Variants in POFUT2 observed in about 807,000 individuals in gnomAD.
POFUT2 encodes the protein protein O-fucosyltransferase 2, also known as GDP-fucose protein O-fucosyltransferase 2.
In POFUT2, 30 loss-of-function variants were observed where a neutral mutation model predicts 55.0. The ratio of observed to expected loss-of-function variants is 0.55; its 90% CI spans 0.41 to 0.74. The LOEUF (loss-of-function observed/expected upper bound fraction) is 0.74. Among genes scored for constraint, POFUT2 ranks in the 30% least tolerant of loss-of-function variants. The pLI, the probability that POFUT2 is intolerant of heterozygous loss-of-function variation, is 0.00. For synonymous variants in POFUT2, 267 were observed against 231.1 expected (o/e 1.16, Z -1.41); for missense variants, 524 against 562.6 (o/e 0.93, Z 0.69).
rs765017004 is a variant in POFUT2, at chr21:45,285,566, G to A, written c.382+112C>T. On this transcript the variant is annotated intron_variant, in intron 2 of 8. Transcript: ENST00000349485. The surrounding 1 kb of genome is among the most constrained non-coding windows in gnomAD (Gnocchi z 4.9). Reference sequence around the variant, plus strand: ...CAGGCAGCAGCACTGGGCACTGGAGGATGCTGGTGAGGCTGGATGCAATCG... The same window carrying A: ...CAGGCAGCAGCACTGGGCACTGGAGAATGCTGGTGAGGCTGGATGCAATCG... 34 of 1,317,512 alleles carry A rather than the reference G, an allele frequency of 2.6e-5. No homozygotes were observed. The highest frequency in any genetic ancestry group is 6.0e-5 in the South Asian group (5 of 82,902). The allele number at this position is 1,317,512 out of a possible 1,614,324, so 81.6% of individuals were successfully genotyped here. A position where few individuals can be genotyped will look rare whatever the true frequency, so the allele number is the denominator to read the frequency against.
In POFUT2 at chr21:45,285,349, C is replaced by T. The variant is rs146744652; in HGVS notation, c.382+329G>A. Reference sequence around the variant, plus strand: ...TCTTCCTGAACGTAAAACAGCCTTTCGCACAGGGAGCCGAGTCCTGTCACT... The same window carrying T: ...TCTTCCTGAACGTAAAACAGCCTTTTGCACAGGGAGCCGAGTCCTGTCACT... On this transcript the variant is annotated intron_variant, in intron 2 of 8. Coordinates refer to ENST00000349485, the MANE Select transcript of POFUT2 (RefSeq NM_133635.6). The surrounding 1 kb of genome is among the most constrained non-coding windows in gnomAD (Gnocchi z 4.9). The T allele has an allele frequency of 9.0e-4, 338 of 373,748 alleles. No individual in the cohort carries two copies. The highest frequency in any genetic ancestry group is 8.7e-3 in the Middle Eastern group (19 of 2,186). 23.2% of individuals were successfully genotyped at this position (373,748 alleles called of 1,614,324 possible).
chr21:45,287,685 C>G (rs911880460), intron 1 of POFUT2, 56 bp downstream of exon 1: 1 of 1,357,216 alleles, frequency 7.4e-7, no homozygotes, highest in African/African-American at 1.5e-5. Flanking sequence ...CCATCCCATC[C>G]TCTGACCCTG....
At chr21:45,283,828 C>T (rs1019776429) in intron 2 of POFUT2, among the ~76,000 whole-genome samples, 2 of 152,188 alleles carry the variant, frequency 1.3e-5, no homozygotes, top group Admixed American at 1.3e-4. Context: ...CCATCCGGCC[C>T]TCACGCCGTG....
rs2030999242 is a variant in POFUT2 at position 45,283,404 on chromosome 21, TG to T, written c.505del (p.Gln169ArgfsTer20). 1.2e-6 allele frequency: 2 copies of T among 1,608,102 alleles called. No individual in the cohort carries two copies. The highest frequency in any genetic ancestry group is 1.7e-6 in the Non-Finnish European group (2 of 1,177,276). On this transcript the variant is annotated frameshift_variant, in exon 3 of 9. Transcript: ENST00000349485. LOFTEE classifies it high-confidence loss of function. ...RPCIDQLLYS[Q>X]DKHEYYRGWF... is the part of the protein sequence containing the mutation. ...GCACCTGTAGTACTCGTGCTTGTCC[TG>T]GGAGTACAGGAGCTGATCAATACAC...
chr21:45,283,275 T>TGGTG, intron 3 of POFUT2, 108 bp downstream of exon 3: 1 of 376,884 alleles, frequency 2.7e-6, no homozygotes, highest in South Asian at 2.3e-5. Context: ...GCACCCACGG[T>TGGTG]GGTGGGGAGG....
In POFUT2 at chr21:45,285,039, T is replaced by A. The variant is rs931408863; in HGVS notation, c.382+639A>T. Among the ~76,000 whole-genome samples the A allele has an allele frequency of 8.6e-5, 13 of 151,682 alleles. No individual in the cohort carries two copies. In the East Asian group the frequency reaches 2.3e-3, roughly 27 times the overall value. On this transcript the variant is annotated intron_variant, in intron 2 of 8. Transcript: ENST00000349485. The surrounding 1 kb of genome is among the most constrained non-coding windows in gnomAD (Gnocchi z 4.9). ...AGCAAAGGTCTCTAAGCCCCGAGAG[T>A]GGCTGTCGAGTAAGAACTCAACAGA...
At chr21:45,268,026 G>A (rs1442479620) in intron 7 of POFUT2, among the ~76,000 whole-genome samples, 1 of 152,034 alleles carries the variant, frequency 6.6e-6, no homozygotes, top group Non-Finnish European at 1.5e-5. Context: ...TCTTTCCACG[G>A]TCTCCCTCTC....
chr21:45,274,981 C>T (rs1157441234), intron 6 of POFUT2, among the ~76,000 whole-genome samples: 2 of 152,186 alleles, frequency 1.3e-5, no homozygotes, highest in African/African-American at 4.8e-5. Flanking sequence ...AAGAAACAAT[C>T]AGCGAACAGC....
chr21:45,280,926 CA>C (rs1286384826), intron 4 of POFUT2, among the ~76,000 whole-genome samples: 2 of 152,216 alleles, frequency 1.3e-5, no homozygotes, highest in Non-Finnish European at 2.9e-5. Flanking sequence ...TTCTAATGGA[CA>C]AAAGTTCTTG....
rs189779697 is a variant in POFUT2 at position 45,278,959 on chromosome 21, G to A, written c.639-790C>T. Among the ~76,000 whole-genome samples, 4 of 152,090 alleles carry A rather than the reference G, an allele frequency of 2.6e-5. No individual in the cohort carries two copies. In the East Asian group the frequency reaches 7.7e-4, roughly 29 times the overall value. ...TCCTATTCCAGCCATTGAGCCAACC[G>A]TCTCACCAAACTCCCCCCAGGGCTC... is the stretch of plus-strand genomic sequence containing the variant. On this transcript the variant is annotated intron_variant, in intron 4 of 8. Transcript: ENST00000349485.
chr21:45,276,245 TA>T (rs11290362), intron 6 of POFUT2, among the ~76,000 whole-genome samples: 45,222 of 144,814 alleles, frequency 0.31, 7,032 homozygotes, highest in East Asian at 0.45. Flanking sequence ...TTAAAAAGAA[TA>T]AAAAAAAAAC....
At chr21:45,280,293 CT>C (rs968562835) in intron 4 of POFUT2, among the ~76,000 whole-genome samples, 1 of 151,592 alleles carries the variant, frequency 6.6e-6, no homozygotes, top group African/African-American at 2.4e-5. Context: ...TTATCTTTTT[CT>C]TTTTTTTTAC....
Position 45,265,415 on chromosome 21 carries a change from C to G in POFUT2, c.*67G>C. On this transcript the variant is annotated 3_prime_UTR_variant, in exon 9 of 9. Transcript: ENST00000349485. The surrounding 1 kb of genome is among the most constrained non-coding windows in gnomAD (Gnocchi z 4.6). ...TCCCGGCTGGCAGTAGACGGTGACT[C>G]CACGGCGACAGAACCTGCATCCACC... 1 of 1,442,100 alleles carries G rather than the reference C, an allele frequency of 6.9e-7. No homozygotes were observed. The highest frequency in any genetic ancestry group is 9.5e-7 in the Non-Finnish European group (1 of 1,054,090). The allele number at this position is 1,442,100 out of a possible 1,614,324, so 89.3% of individuals were successfully genotyped here.
In POFUT2 at chr21:45,285,811, C is replaced by G. The variant is rs144038537; in HGVS notation, c.249G>C (p.Leu83=). 1.7e-4 allele frequency: 274 copies of G among 1,613,574 alleles called. No individual in the cohort carries two copies. Among genetic ancestry groups the G allele is most frequent in the Non-Finnish European group, 2.3e-4 (269 of 1,180,002 alleles). ...LLKTEEWVLV[L]PPWGRLYHWQ... ...AGTGATAGAGGCGGCCCCATGGAGG[C>G]AGGACAAGCACCCACTCCTCCGTCT... Residue 83 remains leucine, a synonymous_variant, in exon 2 of 9, where the codon CTG becomes CTC. Coordinates refer to ENST00000349485, the MANE Select transcript of POFUT2 (RefSeq NM_133635.6). The surrounding 1 kb of genome is among the most constrained non-coding windows in gnomAD (Gnocchi z 4.9).
rs527778674 is a variant in POFUT2 at position 45,282,909 on chromosome 21, C to G, written c.528-450G>C. On this transcript the variant is annotated intron_variant, in intron 3 of 8. Coordinates refer to ENST00000349485, the MANE Select transcript of POFUT2 (RefSeq NM_133635.6). This position sits in a 1 kb window ranked among gnomAD's most constrained non-coding sequence, Gnocchi z 4.6. ...TAGTGTCAGAGCCTTTAATGGCAAT[C>G]GACACTTGGGACTGACAAGACCTCC... is the stretch of plus-strand genomic sequence containing the variant. 3 of 474,018 alleles carry G rather than the reference C, an allele frequency of 6.3e-6. No individual in the cohort carries two copies. Among genetic ancestry groups the G allele is most frequent in the Middle Eastern group, 3.2e-4 (1 of 3,106 alleles). The allele number at this position is 474,018 out of a possible 1,614,324, so 29.4% of individuals were successfully genotyped here.
rs569698985 is a variant in POFUT2, at chr21:45,267,377, C to T, written c.1136+213G>A. 15 of 1,583,542 alleles carry T rather than the reference C, an allele frequency of 9.5e-6. 1 individual carries two copies. In the South Asian group the frequency reaches 1.7e-4, roughly 18 times the overall value. ...CAGCCTGCTATGGAGGAATTCTGTG[C>T]ATGAGAACTAAAGGGGCAAGATGAA... is the stretch of plus-strand genomic sequence containing the variant. On this transcript the variant is annotated intron_variant, in intron 8 of 8. Coordinates refer to ENST00000349485, the MANE Select transcript of POFUT2 (RefSeq NM_133635.6). The surrounding 1 kb of genome is among the most constrained non-coding windows in gnomAD (Gnocchi z 4.4).
At position 45,267,799 on chromosome 21, in the gene POFUT2, T is replaced by C. The variant is rs2093170695; in HGVS notation, c.1013-86A>G. ...CTCTTTAGCAGACAGACATGCGTAC[T>C]TGGCTTCTGGTTAATTCGTTAGGAA... On this transcript the variant is annotated intron_variant, in intron 7 of 8. Transcript: ENST00000349485. The surrounding 1 kb of genome is among the most constrained non-coding windows in gnomAD (Gnocchi z 4.4). 3 of 1,236,498 alleles carry C rather than the reference T, an allele frequency of 2.4e-6. No homozygotes were observed. Among genetic ancestry groups the C allele is most frequent in the Non-Finnish European group, 1.2e-6 (1 of 861,206 alleles). 76.6% of individuals were successfully genotyped at this position (1,236,498 alleles called of 1,614,324 possible). A position where few individuals can be genotyped will look rare whatever the true frequency, so the allele number is the denominator to read the frequency against.
intron 6 of POFUT2, among the ~76,000 whole-genome samples, chr21:45,271,298 G>A (rs1444190528): frequency 2.0e-5 from 3 of 152,130 alleles, no homozygotes; most frequent in Admixed American, 2.0e-4. Context: ...AGAAGAAAGA[G>A]CTTCAGAGCT....
At position 45,285,491 on chromosome 21, in the gene POFUT2, C is replaced by T. The variant is rs542962246; in HGVS notation, c.382+187G>A. The stretch of plus-strand genomic sequence containing the variant: ...AAACATTTTGGGAAGCTCACTGCAG[C>T]GTGGGAAAGGGACTGTGCTCCTGAA... On this transcript the variant is annotated intron_variant, in intron 2 of 8. Transcript: ENST00000349485. The surrounding 1 kb of genome is among the most constrained non-coding windows in gnomAD (Gnocchi z 4.9). The T allele has an allele frequency of 4.2e-6, 3 of 709,272 alleles. No individual in the cohort carries two copies. The highest frequency in any genetic ancestry group is 4.1e-5 in the Admixed American group (2 of 48,636). 43.9% of individuals were successfully genotyped at this position (709,272 alleles called of 1,614,324 possible).
Sources: allele counts gnomAD v4.1 joint callset (sites outside exome capture counted in the v4.1 genomes callset), GRCh38; gene constraint gnomAD v4.1.1; non-coding constraint Gnocchi (gnomAD v3.1); transcripts MANE v1.5; gene names NCBI Gene and HGNC (gene_info 2026-07-23, HGNC 2026-07-21).